The following PTPRG variants were observed in gnomAD, a reference collection of about 807,000 sequenced individuals.
The protein encoded by PTPRG is protein tyrosine phosphatase receptor type G.
Under a neutral mutation model 165.3 loss-of-function variants are expected in PTPRG, and 102 were observed. The ratio of observed to expected loss-of-function variants is 0.62; its 90% CI spans 0.53 to 0.73. PTPRG has a LOEUF of 0.73. PTPRG is among the 30% of genes least tolerant of loss of function. The pLI is 0.00. For synonymous variants in PTPRG, 675 were observed against 669.5 expected, an observed-to-expected ratio of 1.01 and a Z score of -0.13; for missense variants, 1,866 against 1,861.4, an observed-to-expected ratio of 1.00 and a Z score of -0.05.
chr3:62,115,598 A>G (rs547391303), intron 5 of PTPRG, among the ~76,000 whole-genome samples: 2 of 152,206 alleles, frequency 1.3e-5, no homozygotes, highest in East Asian at 3.9e-4. Context: ...CTTATAGAGT[A>G]TAACTGTGTC....
At chr3:61,676,567 C>T (rs1452244640) in intron 1 of PTPRG, among the ~76,000 whole-genome samples, 1 of 151,242 alleles carries the variant, frequency 6.6e-6, no homozygotes, top group African/African-American at 2.4e-5. Context: ...CACAAACACA[C>T]ACACAATTTA....
chr3:62,282,760 T>C lies in PTPRG; in HGVS notation c.3946T>C (p.Cys1316Arg). 1 of 1,612,436 alleles carries C rather than the reference T, an allele frequency of 6.2e-7. No homozygotes were observed. The highest frequency in any genetic ancestry group is 1.1e-5 in the South Asian group (1 of 90,764). Reference sequence around the variant, plus strand: ...TGTCTTAGAAGTTCGGCACTTTCAGTGTCCCAAATGGCCTAACCCAGATGC... The same window carrying C: ...TGTCTTAGAAGTTCGGCACTTTCAGCGTCCCAAATGGCCTAACCCAGATGC... ...DYVLEVRHFQ[C>R]PKWPNPDAPI... Residue 1316 changes from cysteine (C) to arginine (R), a missense_variant, in exon 28 of 30, where the codon TGT (cysteine) becomes CGT (arginine). Cys to Arg is a radical substitution (Grantham distance 180). Around this residue, in one of 3 missense-constraint regions of PTPRG, gnomAD observed 1,452 missense variants for 1,463.0 expected, o/e 0.99. Transcript: ENST00000474889.
Position 62,269,135 on chromosome 3 carries a change from G to A in PTPRG, c.2975G>A (p.Arg992His), listed in dbSNP as rs773599761. The change falls in exon 20 of 30, where the codon CGT becomes CAT. Residue 992 changes from arginine (R) to histidine (H), a missense_variant. Around this residue, in one of 3 missense-constraint regions of PTPRG, gnomAD observed 1,452 missense variants for 1,463.0 expected, o/e 0.99. Transcript: ENST00000474889. ...STKIHACYTV[R>H]RFSIRNTKVK... Reference sequence around the variant, plus strand: ...AAAATACATGCCTGCTACACTGTTCGTCGTTTTTCAATCAGAAATACAAAA... The same window carrying A: ...AAAATACATGCCTGCTACACTGTTCATCGTTTTTCAATCAGAAATACAAAA... 40 of 1,594,190 alleles carry A rather than the reference G, an allele frequency of 2.5e-5. No individual in the cohort carries two copies. Among genetic ancestry groups the A allele is most frequent in the Non-Finnish European group, 3.3e-5 (39 of 1,166,026 alleles).
intron 2 of PTPRG, among the ~76,000 whole-genome samples, chr3:61,841,841 A>T (rs767220463): frequency 3.9e-5 from 6 of 152,182 alleles, no homozygotes; most frequent in Non-Finnish European, 5.9e-5. Flanking sequence ...AAACAAAACA[A>T]AACAAAACAG....
rs150073035 is a variant in PTPRG, at chr3:61,981,111, T to C, written c.191-8514T>C. Among the ~76,000 whole-genome samples the C allele has an allele frequency of 9.0e-3, 1,378 of 152,272 alleles. 20 individuals carry two copies. The highest frequency in any genetic ancestry group is 0.031 in the African/African-American group (1,271 of 41,542). On this transcript the variant is annotated intron_variant, in intron 2 of 29. Transcript: ENST00000474889. ...TTACAGTCATGGCAGAAGGCACCTCTTCACTGGGTGGCAGGACAGAGATTG... is the reference window on the plus strand; with the variant it reads ...TTACAGTCATGGCAGAAGGCACCTCCTCACTGGGTGGCAGGACAGAGATTG...
chr3:61,777,159 G>A (rs75317456), intron 2 of PTPRG, among the ~76,000 whole-genome samples: 3,186 of 152,272 alleles, frequency 0.021, 61 homozygotes, highest in Non-Finnish European at 0.031. Context: ...TTACTCGGTA[G>A]CTTTATTTTT....
intron 2 of PTPRG, chr3:61,925,974 C>T: frequency 2.1e-6 from 1 of 465,650 alleles, no homozygotes; most frequent in Non-Finnish European, 4.3e-6. Context: ...TGACCAGCAG[C>T]ACCAGCGTCA....
intron 2 of PTPRG, among the ~76,000 whole-genome samples, chr3:61,778,615 A>G (rs1186840937): frequency 3.3e-5 from 5 of 152,010 alleles, no homozygotes; most frequent in Non-Finnish European, 7.4e-5. Flanking sequence ...TCCTGCCTCA[A>G]CTTGGTCCCT....
chr3:61,754,030 A>C (rs753764064), intron 2 of PTPRG, among the ~76,000 whole-genome samples: 3 of 152,164 alleles, frequency 2.0e-5, no homozygotes, highest in Non-Finnish European at 4.4e-5. Context: ...CAATTTTAAT[A>C]ATCTCTATCT....
chr3:62,211,344 T>C (rs190764302), intron 12 of PTPRG, among the ~76,000 whole-genome samples: 40 of 152,220 alleles, frequency 2.6e-4, no homozygotes, highest in Admixed American at 5.2e-4. Flanking sequence ...CAGAGGCTGA[T>C]GAAAGGGGAA....
intron 5 of PTPRG, among the ~76,000 whole-genome samples, chr3:62,111,224 A>T (rs936118913): frequency 6.6e-6 from 1 of 152,216 alleles, no homozygotes; most frequent in Non-Finnish European, 1.5e-5. Context: ...ATCAACAGGC[A>T]GTGCCTGCGG....
chr3:61,832,337 C>T (rs1432618516), intron 2 of PTPRG, among the ~76,000 whole-genome samples: 1 of 152,160 alleles, frequency 6.6e-6, no homozygotes, highest in Non-Finnish European at 1.5e-5. Flanking sequence ...ATTATATGCT[C>T]AAAACCCCTT....
intron 4 of PTPRG, among the ~76,000 whole-genome samples, chr3:62,022,217 G>GTA (rs2041711720): frequency 1.3e-5 from 2 of 152,042 alleles, no homozygotes; most frequent in African/African-American, 4.8e-5. Context: ...TATGTTATAG[G>GTA]TGACCTATTT....
At chr3:61,696,039 G>A (rs555979989) in intron 1 of PTPRG, among the ~76,000 whole-genome samples, 1 of 152,184 alleles carries the variant, frequency 6.6e-6, no homozygotes, top group South Asian at 2.1e-4. Flanking sequence ...GAGCTGATTG[G>A]GATGTAACTA....
chr3:61,870,350 C>T (rs1406727633), intron 2 of PTPRG, among the ~76,000 whole-genome samples: 2 of 147,592 alleles, frequency 1.4e-5, no homozygotes, highest in African/African-American at 5.1e-5. Context: ...GAGTCTCACT[C>T]TGTTGCCCAG....
chr3:61,664,406 A>G (rs770757044), intron 1 of PTPRG, among the ~76,000 whole-genome samples: 4 of 152,236 alleles, frequency 2.6e-5, no homozygotes, highest in Non-Finnish European at 5.9e-5. Context: ...AGAGCATGAC[A>G]GAATTATTTC....
At chr3:61,577,895 G>T (rs553214465) in intron 1 of PTPRG, among the ~76,000 whole-genome samples, 18 of 152,334 alleles carry the variant, frequency 1.2e-4, no homozygotes, top group African/African-American at 4.3e-4. Context: ...TTCCGGGTAT[G>T]TTAGGATAGC....
intron 28 of PTPRG, among the ~76,000 whole-genome samples, chr3:62,285,817 CCAAATTACTCTACTCACT>C (rs1377633534): frequency 6.6e-6 from 1 of 152,018 alleles, no homozygotes; most frequent in Non-Finnish European, 1.5e-5. Context: ...CAGACCTCAC[CCAAATTACTCTACTCACT>C]CACAGACTGA....
At chr3:62,290,382 A>G (rs1333465426) in intron 28 of PTPRG, among the ~76,000 whole-genome samples, 1 of 152,174 alleles carries the variant, frequency 6.6e-6, no homozygotes, top group African/African-American at 2.4e-5. Flanking sequence ...TTACTATGAA[A>G]CACGATGGAG....
Sources: gnomAD v4.1 joint callset for allele counts (sites outside exome capture counted in the v4.1 genomes callset) on GRCh38, gnomAD v4.1.1 for gene constraint, gnomAD v4.1.1 regional missense constraint, MANE v1.5 for transcripts, NCBI Gene and HGNC (gene_info 2026-07-23, HGNC 2026-07-21) for gene names.